The following ENOX1 variants were observed in gnomAD, a reference collection of about 807,000 sequenced individuals.
The protein encoded by ENOX1 is ecto-NOX disulfide-thiol exchanger 1.
In ENOX1, 42 loss-of-function variants were observed where a neutral mutation model predicts 82.5. The observed-to-expected ratio is 0.51, with a 90% CI of 0.40 to 0.66. The LOEUF is 0.66. ENOX1 is among the 30% of genes least tolerant of loss of function. The pLI, the probability that ENOX1 is intolerant of heterozygous loss-of-function variation, is 0.00. For synonymous variants in ENOX1, 271 were observed against 282.2 expected, an observed-to-expected ratio of 0.96 and a Z score of 0.40; for missense variants, 608 against 811.6, an observed-to-expected ratio of 0.75 and a Z score of 3.05.
chr13:43,306,538 C>T (rs1229189030), intron 11 of ENOX1, among the ~76,000 whole-genome samples: 2 of 152,144 alleles, frequency 1.3e-5, no homozygotes, highest in Admixed American at 6.5e-5. Flanking sequence ...GCAGACAGTG[C>T]ACCTCCCTTG....
In ENOX1 at chr13:43,214,090, A is replaced by T; in HGVS notation, c.1832T>A (p.Met611Lys). ...CTGTTTGAACATGCGTGGCAGCCTCATCAAAAGCATTTCTATTTCATTTGC... is the reference window on the plus strand; with the variant it reads ...CTGTTTGAACATGCGTGGCAGCCTCTTCAAAAGCATTTCTATTTCATTTGC... ...ISANEIEMLL[M>K]RLPRMFKQEF... The change falls in exon 17 of 17, where the codon ATG becomes AAG. Residue 611 changes from methionine to lysine, a missense_variant. Coordinates refer to ENST00000690772, the MANE Select transcript of ENOX1 (RefSeq NM_001347969.2). 1 of 1,613,354 alleles carries T rather than the reference A, an allele frequency of 6.2e-7. No homozygotes were observed. The highest frequency in any genetic ancestry group is 2.2e-5 in the East Asian group (1 of 44,842).
At chr13:43,700,996 A>T (rs543641494) in intron 1 of ENOX1, among the ~76,000 whole-genome samples, 1 of 152,246 alleles carries the variant, frequency 6.6e-6, no homozygotes, top group East Asian at 1.9e-4. Flanking sequence ...ACTCTTTAAA[A>T]TTATCAGCAT....
intron 2 of ENOX1, among the ~76,000 whole-genome samples, chr13:43,622,746 G>C (rs2082793651): frequency 1.3e-5 from 2 of 152,116 alleles, no homozygotes; most frequent in Non-Finnish European, 2.9e-5. Context: ...CCTGCCAGGA[G>C]GTAGCACTTT....
intron 3 of ENOX1, among the ~76,000 whole-genome samples, chr13:43,433,955 A>T (rs1236348674): frequency 6.6e-6 from 1 of 152,236 alleles, no homozygotes; most frequent in Admixed American, 6.5e-5. Context: ...TTTGCACAGT[A>T]GAGATGGGCC....
intron 2 of ENOX1, among the ~76,000 whole-genome samples, chr13:43,567,031 C>T (rs1234143908): frequency 6.6e-6 from 1 of 152,092 alleles, no homozygotes; most frequent in Non-Finnish European, 1.5e-5. Flanking sequence ...AAATGTTATT[C>T]CATCCAAGAA....
chr13:43,746,964 C>T (rs1266209670), intron 1 of ENOX1, among the ~76,000 whole-genome samples: 2 of 152,178 alleles, frequency 1.3e-5, no homozygotes, highest in East Asian at 3.8e-4. Flanking sequence ...TCATGCTAGT[C>T]TGCATCACCA....
chr13:43,548,886 T>C (rs1022129120), intron 2 of ENOX1, among the ~76,000 whole-genome samples: 2 of 152,194 alleles, frequency 1.3e-5, no homozygotes, highest in Admixed American at 6.5e-5. Flanking sequence ...GATATTACCT[T>C]CTGCAAAAGC....
intron 12 of ENOX1, among the ~76,000 whole-genome samples, chr13:43,270,006 G>A (rs546656251): frequency 8.5e-5 from 13 of 152,278 alleles, no homozygotes; most frequent in African/African-American, 2.9e-4. Flanking sequence ...GACCACAAAA[G>A]ATCCTTTTAC....
At chr13:43,490,468 G>C (rs1227894842) in intron 2 of ENOX1, among the ~76,000 whole-genome samples, 1 of 152,120 alleles carries the variant, frequency 6.6e-6, no homozygotes, top group East Asian at 1.9e-4. Context: ...ATTTGGGAGA[G>C]GGGCCAGGGT....
chr13:43,537,601 C>T (rs73476008), intron 2 of ENOX1, among the ~76,000 whole-genome samples: 1,763 of 152,250 alleles, frequency 0.012, 38 homozygotes, highest in African/African-American at 0.041. Flanking sequence ...TAGTTCTCTG[C>T]ATTGTTTCTG....
intron 3 of ENOX1, among the ~76,000 whole-genome samples, chr13:43,449,016 T>A (rs1445548107): frequency 6.6e-6 from 1 of 152,004 alleles, no homozygotes; most frequent in East Asian, 1.9e-4. Context: ...TTGCACAGAG[T>A]TCACAGAGAC....
At chr13:43,664,622 C>T (rs1046100692) in intron 2 of ENOX1, among the ~76,000 whole-genome samples, 1 of 152,118 alleles carries the variant, frequency 6.6e-6, no homozygotes, top group Non-Finnish European at 1.5e-5. Flanking sequence ...TTTAATGAAA[C>T]CTATAGACAT....
rs7318461 is a variant in ENOX1, at chr13:43,438,347, G to A, written c.-74-25359C>T. Reference sequence around the variant, plus strand: ...AAGATGAGGCAGTGGCAGCGGAGATGAAGAGAGGGAACAGATTTAAGAGGT... The same window carrying A: ...AAGATGAGGCAGTGGCAGCGGAGATAAAGAGAGGGAACAGATTTAAGAGGT... On this transcript the variant is annotated intron_variant, in intron 3 of 16. Transcript: ENST00000690772. Among the ~76,000 whole-genome samples, 602 of 152,274 alleles carry A rather than the reference G, an allele frequency of 4.0e-3. 1 individual carries two copies. The highest frequency in any genetic ancestry group is 0.014 in the African/African-American group (574 of 41,540).
chr13:43,248,092 A>G (rs1444293355), intron 14 of ENOX1, among the ~76,000 whole-genome samples: 3 of 150,228 alleles, frequency 2.0e-5, no homozygotes, highest in East Asian at 4.0e-4. Flanking sequence ...TCACCGTGTT[A>G]GCCGGGATGG....
At chr13:43,402,861 TCTG>T (rs1227455060) in intron 5 of ENOX1, among the ~76,000 whole-genome samples, 10 of 152,198 alleles carry the variant, frequency 6.6e-5, no homozygotes, top group Non-Finnish European at 1.5e-5. Flanking sequence ...CTTTCTACTC[TCTG>T]CTGAATTAGA....
intron 2 of ENOX1, among the ~76,000 whole-genome samples, chr13:43,612,996 T>G: frequency 6.6e-6 from 1 of 152,168 alleles, no homozygotes; most frequent in Admixed American, 6.5e-5. Context: ...TGATGGCATT[T>G]GAAGAGATGC....
At chr13:43,592,369 T>C (rs2081282517) in intron 2 of ENOX1, among the ~76,000 whole-genome samples, 1 of 152,232 alleles carries the variant, frequency 6.6e-6, no homozygotes. Flanking sequence ...CTGGGACATG[T>C]AAAATATGTG....
chr13:43,630,223 G>C (rs770799330), intron 2 of ENOX1, among the ~76,000 whole-genome samples: 5 of 152,062 alleles, frequency 3.3e-5, no homozygotes, highest in Admixed American at 3.3e-4. Context: ...TTTCAGGGGC[G>C]GAAATAAGCC....
intron 2 of ENOX1, among the ~76,000 whole-genome samples, chr13:43,572,039 C>T (rs900384216): frequency 2.0e-4 from 30 of 151,936 alleles, no homozygotes; most frequent in African/African-American, 7.0e-4. Flanking sequence ...GGGCAACTTA[C>T]TTATGAAGAG....
Sources: allele counts gnomAD v4.1 joint callset (sites outside exome capture counted in the v4.1 genomes callset), GRCh38; gene constraint gnomAD v4.1.1; transcripts MANE v1.5; gene names NCBI Gene and HGNC (gene_info 2026-07-23, HGNC 2026-07-21).